The following CSMD1 variants were observed in gnomAD, a reference collection of about 807,000 sequenced individuals.
CSMD1 encodes CUB and sushi domain-containing protein 1.
Under a neutral mutation model 417.5 loss-of-function variants are expected in CSMD1, and 213 were observed. The observed-to-expected ratio is 0.51, with a 90% CI of 0.46 to 0.57. The LOEUF (loss-of-function observed/expected upper bound fraction) is 0.57, where lower values mean the gene tolerates loss of function less well. Ranked by LOEUF, CSMD1 falls within the 20% of genes least tolerant of loss-of-function variation. The probability of loss-of-function intolerance (pLI) is 0.00; values close to 1 mark genes in which losing one functional copy is unlikely to be tolerated. For synonymous variants in CSMD1, 2,862 were observed against 1,736.8 expected, an observed-to-expected ratio of 1.65 and a Z score of -16.11; for missense variants, 6,923 against 4,529.7, an observed-to-expected ratio of 1.53 and a Z score of -15.17.
chr8:4,522,796 G>C (rs891867774), intron 2 of CSMD1, among the ~76,000 whole-genome samples: 9 of 152,096 alleles, frequency 5.9e-5, no homozygotes, highest in Non-Finnish European at 1.2e-4. Context: ...ATGTGGCAAG[G>C]ACTGCAGAAA....
At chr8:4,720,054 T>C (rs1445863968) in intron 1 of CSMD1, among the ~76,000 whole-genome samples, 4 of 152,090 alleles carry the variant, frequency 2.6e-5, no homozygotes, top group East Asian at 3.8e-4. Context: ...AAATTATTCC[T>C]GTGGTGAGGC....
intron 5 of CSMD1, among the ~76,000 whole-genome samples, chr8:3,987,290 T>C (rs1047792597): frequency 6.6e-6 from 1 of 152,230 alleles, no homozygotes; most frequent in Non-Finnish European, 1.5e-5. Flanking sequence ...TAACATGTTC[T>C]GTGATGACCT....
At chr8:3,264,751 T>C (rs886793428) in intron 26 of CSMD1, among the ~76,000 whole-genome samples, 13 of 152,108 alleles carry the variant, frequency 8.5e-5, no homozygotes, top group African/African-American at 2.9e-4. Context: ...TCTACATGAT[T>C]AAGGGTACAT....
At chr8:3,675,954 T>G (rs1322171968) in intron 7 of CSMD1, among the ~76,000 whole-genome samples, 2 of 152,204 alleles carry the variant, frequency 1.3e-5, no homozygotes, top group Non-Finnish European at 1.5e-5. Flanking sequence ...TATTATTTTC[T>G]CAGCCCAGGC....
chr8:3,751,981 G>C (rs988469318), intron 6 of CSMD1, among the ~76,000 whole-genome samples: 1 of 152,108 alleles, frequency 6.6e-6, no homozygotes, highest in African/African-American at 2.4e-5. Context: ...ATCTGGTACG[G>C]GATGGACATA....
At chr8:4,723,961 C>T (rs1171289817) in intron 1 of CSMD1, among the ~76,000 whole-genome samples, 1 of 152,004 alleles carries the variant, frequency 6.6e-6, no homozygotes. Context: ...TAAGTGCATC[C>T]AATCTCGGGC....
At chr8:3,338,124 G>C (rs983341599) in intron 23 of CSMD1, among the ~76,000 whole-genome samples, 1 of 152,166 alleles carries the variant, frequency 6.6e-6, no homozygotes. Context: ...CCCCCTTGAG[G>C]AGTCTGTCAT....
intron 1 of CSMD1, among the ~76,000 whole-genome samples, chr8:4,661,178 G>A (rs1361262345): frequency 6.6e-6 from 1 of 152,128 alleles, no homozygotes; most frequent in East Asian, 1.9e-4. Flanking sequence ...TTTTATAGCA[G>A]CGTTATCTGG....
intron 2 of CSMD1, among the ~76,000 whole-genome samples, chr8:4,430,171 G>A (rs1322097644): frequency 6.6e-6 from 1 of 152,178 alleles, no homozygotes; most frequent in Non-Finnish European, 1.5e-5. Context: ...TATCCTACGT[G>A]TGCTTTCCTA....
chr8:3,385,041 TATATAAATATATA>T (rs1810908727), intron 18 of CSMD1, among the ~76,000 whole-genome samples: 5 of 116,702 alleles, frequency 4.3e-5, no homozygotes, highest in Admixed American at 3.4e-4. Flanking sequence ...ATATATATAA[TATATAAATATATA>T]ATATATAATA....
chr8:3,563,474 C>T (rs1008773958), intron 10 of CSMD1, among the ~76,000 whole-genome samples: 1 of 137,210 alleles, frequency 7.3e-6, no homozygotes, highest in African/African-American at 2.7e-5. Context: ...AGGACCACAT[C>T]TAAGACCTGT....
chr8:4,427,316 T>C (rs909871231), intron 2 of CSMD1, among the ~76,000 whole-genome samples: 1 of 152,180 alleles, frequency 6.6e-6, no homozygotes, highest in African/African-American at 2.4e-5. Context: ...GACAAAATAC[T>C]GGATGCAGTG....
At chr8:3,083,658 T>TTA (rs1563320738) in intron 49 of CSMD1, among the ~76,000 whole-genome samples, 8 of 63,830 alleles carry the variant, frequency 1.3e-4, no homozygotes, top group Non-Finnish European at 2.1e-4. Flanking sequence ...ATTTTTTTTT[T>TTA]TTTTTTTTTT....
intron 5 of CSMD1, among the ~76,000 whole-genome samples, chr8:3,758,952 C>T (rs765692125): frequency 1.1e-4 from 16 of 152,176 alleles, no homozygotes; most frequent in Non-Finnish European, 1.6e-4. Context: ...GTCAGAGTGA[C>T]GCATTGAGGG....
intron 2 of CSMD1, among the ~76,000 whole-genome samples, chr8:4,583,637 C>T (rs1014753459): frequency 4.6e-5 from 7 of 152,260 alleles, no homozygotes; most frequent in Admixed American, 3.3e-4. Context: ...CCTTGGAGAA[C>T]CTTTGTGTCC....
chr8:4,448,204 C>T (rs1396752532), intron 2 of CSMD1, among the ~76,000 whole-genome samples: 2 of 152,142 alleles, frequency 1.3e-5, no homozygotes, highest in Non-Finnish European at 2.9e-5. Context: ...AGTTTTTTAA[C>T]ACTGAAAATA....
chr8:4,672,758 G>C (rs1321198428), intron 1 of CSMD1, among the ~76,000 whole-genome samples: 1 of 151,684 alleles, frequency 6.6e-6, no homozygotes, highest in East Asian at 2.0e-4. Context: ...GACATACCCA[G>C]TCACATGCAT....
At chr8:4,845,880 C>G (rs1295491634) in intron 1 of CSMD1, among the ~76,000 whole-genome samples, 9 of 152,164 alleles carry the variant, frequency 5.9e-5, no homozygotes, top group Non-Finnish European at 1.3e-4. Flanking sequence ...AGGATTTTGT[C>G]AGTCACCGTG....
At chr8:4,402,861 C>T (rs146102317) in intron 3 of CSMD1, among the ~76,000 whole-genome samples, 3,253 of 127,838 alleles carry the variant, frequency 0.025, 151 homozygotes, top group African/African-American at 0.09. Context: ...TGCTCTGTTG[C>T]CAGGCTGGAG....
Sources: allele counts gnomAD v4.1 joint callset (sites outside exome capture counted in the v4.1 genomes callset), GRCh38; gene constraint gnomAD v4.1.1; transcripts MANE v1.5; gene names NCBI Gene and HGNC (gene_info 2026-07-23, HGNC 2026-07-21).